LMAN1L: variants seen among roughly 807,000 people sequenced by gnomAD.
LMAN1L encodes the protein lectin, mannose binding 1 like.
LMAN1L carries 60 observed loss-of-function variants against 58.3 expected under a neutral mutation model. The ratio of observed to expected loss-of-function variants is 1.03; its 90% CI spans 0.84 to 1.27. LMAN1L has a LOEUF of 1.27. Ranked by LOEUF, LMAN1L falls within the 50% of genes most tolerant of loss-of-function variation. The pLI is 0.00. For missense variants in LMAN1L, 629 were observed against 674.0 expected, an observed-to-expected ratio of 0.93 and a Z score of 0.74; for synonymous variants, 280 against 271.6, an observed-to-expected ratio of 1.03 and a Z score of -0.31.
chr15:74,824,119 C>G, intron 12 of LMAN1L: 1 of 588,612 alleles, frequency 1.7e-6, no homozygotes, highest in South Asian at 2.2e-5. Flanking sequence ...CCCTGGGCCC[C>G]TTGATGATCC....
intron 1 of LMAN1L, among the ~76,000 whole-genome samples, chr15:74,813,745 G>A (rs1174879194): frequency 6.6e-6 from 1 of 152,234 alleles, no homozygotes; most frequent in African/African-American, 2.4e-5. Flanking sequence ...CTGTCCACCT[G>A]AGAGTTGGGC....
intron 4 of LMAN1L, 126 bp downstream of exon 4, chr15:74,816,816 G>T (rs28397782): frequency 0.068 from 61,321 of 902,406 alleles, 5,075 homozygotes; most frequent in South Asian, 0.33. Context: ...CGCCATACTT[G>T]CTGGACTCTC....
chr15:74,822,153 G>A (rs1447345428), intron 10 of LMAN1L, among the ~76,000 whole-genome samples: 3 of 151,938 alleles, frequency 2.0e-5, no homozygotes, highest in African/African-American at 7.3e-5. Flanking sequence ...TCAAAAGATC[G>A]AGACCATCCT....
At chr15:74,823,981 C>T in intron 12 of LMAN1L, 1 of 508,418 alleles carries the variant, frequency 2.0e-6, no homozygotes, top group South Asian at 2.6e-5. Flanking sequence ...ACAGGGTGGG[C>T]TGTGTCCAAG....
At chr15:74,820,154 C>T (rs2063909896) in intron 7 of LMAN1L, 55 bp downstream of exon 7, 1 of 1,486,806 alleles carries the variant, frequency 6.7e-7, no homozygotes, top group Non-Finnish European at 9.4e-7. Flanking sequence ...CTGCCCTCAC[C>T]CATGTCATGG....
chr15:74,823,219 A>C (rs1014198706), intron 11 of LMAN1L, among the ~76,000 whole-genome samples: 1 of 152,162 alleles, frequency 6.6e-6, no homozygotes, highest in Non-Finnish European at 1.5e-5. Flanking sequence ...CTAAAGCCCC[A>C]CCTGTACACA....
chr15:74,824,586 C>A, intron 13 of LMAN1L, 108 bp downstream of exon 13: 2 of 1,295,328 alleles, frequency 1.5e-6, no homozygotes, highest in African/African-American at 1.5e-5. Flanking sequence ...GGGGACCTGC[C>A]GAGTCCCCAA....
In LMAN1L at chr15:74,818,747, G is replaced by A; in HGVS notation, c.527G>A (p.Cys176Tyr). 1 of 1,611,468 alleles carries A rather than the reference G, an allele frequency of 6.2e-7. No individual in the cohort carries two copies. The highest frequency in any genetic ancestry group is 8.5e-7 in the Non-Finnish European group (1 of 1,179,140). ...GDGASQGLGS[C>Y]HWDFRNRPHP... ...GGAGCTAGCCAAGGGCTGGGCTCCT[G>A]TCATTGGGACTTCCGGAACCGGCCA... The change falls in exon 5 of 14, where the codon TGT (cysteine) becomes TAT (tyrosine). Residue 176 changes from cysteine (C) to tyrosine (Y), a missense_variant. Cys to Tyr is a radical substitution (Grantham distance 194). This residue lies in a region of LMAN1L where 573 missense variants were observed against 597.3 expected (regional missense o/e 0.96). Transcript: ENST00000309664.
chr15:74,821,644 A>G (rs2141116734), intron 9 of LMAN1L, among the ~76,000 whole-genome samples, 185 bp from the exon 10 acceptor site: 2 of 152,242 alleles, frequency 1.3e-5, no homozygotes, highest in South Asian at 4.1e-4. Context: ...GGGGCCTGAG[A>G]GCTAAACTCA....
In LMAN1L at chr15:74,821,208, C is replaced by G; in HGVS notation, c.1041C>G (p.Ala347=). ...AGCAGCTGGGGCCCCCAGGCCAAGC[C>G]AGGCCTGACGGAGGCTGGGTGAGAA... ...WKKQLGPPGQ[A]RPDGGWALDA... The change falls in exon 9 of 14, where the codon GCC becomes GCG. Residue 347 remains alanine, a synonymous_variant. Transcript: ENST00000309664. 6.5e-7 allele frequency: 1 copy of G among 1,549,676 alleles called. No individual in the cohort carries two copies. Among genetic ancestry groups the G allele is most frequent in the South Asian group, 1.2e-5 (1 of 83,992 alleles).
chr15:74,815,400 C>T (rs776606842), intron 1 of LMAN1L, among the ~76,000 whole-genome samples: 6 of 152,204 alleles, frequency 3.9e-5, no homozygotes, highest in Non-Finnish European at 5.9e-5. Context: ...CTCTGAGTTC[C>T]CTGCCCCCAG....
chr15:74,814,260 C>T (rs2063879152), intron 1 of LMAN1L, among the ~76,000 whole-genome samples: 1 of 150,510 alleles, frequency 6.6e-6, no homozygotes, highest in Non-Finnish European at 1.5e-5. Flanking sequence ...GTGGTGTGAT[C>T]TTGGCTCACT....
Position 74,823,690 on chromosome 15 carries a change from G to A in LMAN1L, c.1323+8G>A. ...GAGCTTCGGGGCCCGGCGGTGAGGGGAAAGTAGTGGGCAGCATGGGGTCCC... is the reference window on the plus strand; with the variant it reads ...GAGCTTCGGGGCCCGGCGGTGAGGGAAAAGTAGTGGGCAGCATGGGGTCCC... On this transcript the variant is annotated splice_region_variant and intron_variant, in intron 12 of 13. Transcript: ENST00000309664. The A allele has an allele frequency of 6.2e-7, 1 of 1,612,218 alleles. No homozygotes were observed. The highest frequency in any genetic ancestry group is 1.1e-5 in the South Asian group (1 of 91,032).
At chr15:74,819,413 G>A in intron 6 of LMAN1L, 141 bp downstream of exon 6, 2 of 1,119,136 alleles carry the variant, frequency 1.8e-6, no homozygotes. Flanking sequence ...GAGAAGTCAT[G>A]TCTGCCTTGA....
intron 1 of LMAN1L, among the ~76,000 whole-genome samples, chr15:74,814,381 T>TTTTTTTTTTGAGACGGAGTCTG (rs2063880737): frequency 7.2e-6 from 1 of 138,806 alleles, no homozygotes; most frequent in African/African-American, 2.7e-5. Context: ...TGTTTTTGTT[T>TTTTTTTTTTGAGACGGAGTCTG]TTTTTTTTTT....
Position 74,822,624 on chromosome 15 carries a change from G to A in LMAN1L, c.1132-18G>A, listed in dbSNP as rs1382273443. The A allele has an allele frequency of 2.5e-6, 4 of 1,610,942 alleles. No individual in the cohort carries two copies. In the Admixed American group the frequency reaches 5.0e-5, roughly 20 times the overall value. Reference sequence around the variant, plus strand: ...GGGCTATGTCCTGGGCCCTAGACAAGAGGCTGCCCCTCTGCAGGACTCTGC... The same window carrying A: ...GGGCTATGTCCTGGGCCCTAGACAAAAGGCTGCCCCTCTGCAGGACTCTGC... On this transcript the variant is annotated intron_variant, in intron 10 of 13. Transcript: ENST00000309664.
At chr15:74,822,617 T>G in intron 10 of LMAN1L, 25 bp from the exon 11 acceptor site, 1 of 1,606,004 alleles carries the variant, frequency 6.2e-7, no homozygotes, top group Non-Finnish European at 8.5e-7. Context: ...TCCTGGGCCC[T>G]AGACAAGAGG....
At chr15:74,814,204 T>A (rs2063878901) in intron 1 of LMAN1L, among the ~76,000 whole-genome samples, 1 of 151,864 alleles carries the variant, frequency 6.6e-6, no homozygotes, top group East Asian at 1.9e-4. Context: ...ATCCCTTTTT[T>A]TTTTGTGAGA....
chr15:74,819,805 C>T (rs887714226), intron 6 of LMAN1L: 53 of 587,124 alleles, frequency 9.0e-5, no homozygotes, highest in East Asian at 2.9e-5. Flanking sequence ...GTTTTGGGAT[C>T]GTCCAGTTCT....
Sources: allele counts gnomAD v4.1 joint callset (sites outside exome capture counted in the v4.1 genomes callset), GRCh38; gene constraint gnomAD v4.1.1; regional missense constraint gnomAD v4.1.1; transcripts MANE v1.5; gene names NCBI Gene and HGNC (gene_info 2026-07-23, HGNC 2026-07-21).